GTF2F2: variants seen among roughly 807,000 people sequenced by gnomAD.
GTF2F2 encodes general transcription factor IIF subunit 2, also known as ATP-dependent helicase GTF2F2.
Under a neutral mutation model 42.2 loss-of-function variants are expected in GTF2F2, and 23 were observed. That is an observed-to-expected ratio of 0.55 (90% CI 0.39 to 0.77). GTF2F2 has a LOEUF of 0.77. GTF2F2 is among the 30% of genes least tolerant of loss of function. The pLI, the probability that GTF2F2 is intolerant of heterozygous loss-of-function variation, is 0.00. For missense variants in GTF2F2, 261 were observed against 287.2 expected, an observed-to-expected ratio of 0.91 and a Z score of 0.66; for synonymous variants, 105 against 100.8, an observed-to-expected ratio of 1.04 and a Z score of -0.25.
At chr13:45,215,597 A>G (rs1414866003) in intron 5 of GTF2F2, among the ~76,000 whole-genome samples, 1 of 151,926 alleles carries the variant, frequency 6.6e-6, no homozygotes, top group Non-Finnish European at 1.5e-5. Flanking sequence ...CGTCCCTACT[A>G]AAAATACAGT....
At chr13:45,123,101 G>A (rs947749128) in intron 1 of GTF2F2, 1 of 152,118 alleles carries the variant, frequency 6.6e-6, no homozygotes, top group African/African-American at 2.4e-5. Context: ...ATGGATGTGA[G>A]TGTGATCTGT....
chr13:45,248,852 T>C (rs1299032984), intron 5 of GTF2F2, among the ~76,000 whole-genome samples: 1 of 152,202 alleles, frequency 6.6e-6, no homozygotes, highest in Non-Finnish European at 1.5e-5. Flanking sequence ...TCAGCCATTA[T>C]TTTTCTATTT....
Position 45,273,655 on chromosome 13 carries a change from A to AT in GTF2F2, c.630+6296dup, listed in dbSNP as rs773254844. Among the ~76,000 whole-genome samples the AT allele has an allele frequency of 2.1e-3, 255 of 123,864 alleles. 2 individuals carry two copies. Among genetic ancestry groups the AT allele is most frequent in the Middle Eastern group, 8.1e-3 (2 of 246 alleles). The allele number at this position is 123,864 out of a possible 152,430, so 81.3% of individuals were successfully genotyped here. A position where few individuals can be genotyped will look rare whatever the true frequency, so the allele number is the denominator to read the frequency against. On this transcript the variant is annotated intron_variant, in intron 7 of 7. Transcript: ENST00000340473. ...CCACTTGATTTTAAAGAGTGGTAAA[A>AT]TTTTTTTTTTTTTTTTTGAGACGGA...
At chr13:45,232,074 TCA>T (rs1874712069) in intron 5 of GTF2F2, among the ~76,000 whole-genome samples, 1 of 152,246 alleles carries the variant, frequency 6.6e-6, no homozygotes, top group Non-Finnish European at 1.5e-5. Context: ...TTGGCACTTA[TCA>T]CATAGTCATA....
intron 4 of GTF2F2, 25 bp downstream of exon 4, chr13:45,151,856 T>C (rs1566115515): frequency 8.4e-6 from 10 of 1,187,870 alleles, no homozygotes; most frequent in Non-Finnish European, 1.2e-5. Flanking sequence ...AATTATTTAA[T>C]GTGATTCCTG....
chr13:45,132,212 G>A (rs139358204), intron 1 of GTF2F2, among the ~76,000 whole-genome samples: 9 of 152,318 alleles, frequency 5.9e-5, no homozygotes, highest in Non-Finnish European at 1.0e-4. Context: ...CACAGTTTCT[G>A]TGGGCTGGGA....
rs55795620 is a variant in GTF2F2 at position 45,255,166 on chromosome 13, CA to C, written c.486+2220del. ...GGGGGACAAGAGTGAGACTTTGTCT[CA>C]AAAAAAAAAAAAAAAAAAAAAAAGA... On this transcript the variant is annotated intron_variant, in intron 6 of 7. Coordinates refer to ENST00000340473, the MANE Select transcript of GTF2F2 (RefSeq NM_004128.3). 9.4e-3 allele frequency among the ~76,000 whole-genome samples: 713 copies of C among 76,092 alleles called. 1 individual carries two copies. The highest frequency in any genetic ancestry group is 0.027 in the Middle Eastern group (4 of 146). The allele number at this position is 76,092 out of a possible 152,430, so 49.9% of individuals were successfully genotyped here.
Position 45,172,391 on chromosome 13 carries a change from G to GT in GTF2F2, c.304+20563dup, listed in dbSNP as rs138304310. 6.4e-3 allele frequency among the ~76,000 whole-genome samples: 979 copies of GT among 152,122 alleles called. 12 individuals carry two copies. Among genetic ancestry groups the GT allele is most frequent in the African/African-American group, 0.023 (935 of 41,500 alleles). On this transcript the variant is annotated intron_variant, in intron 4 of 7. Transcript: ENST00000340473. Reference sequence around the variant, plus strand: ...CCTTTGCCTATTGTTAAACTAGGTTGTTTATCTTTTTATTATTGAGTTGTA... The same window carrying GT: ...CCTTTGCCTATTGTTAAACTAGGTTGTTTTATCTTTTTATTATTGAGTTGTA...
At chr13:45,129,859 C>A (rs1029878652) in intron 1 of GTF2F2, among the ~76,000 whole-genome samples, 1 of 152,186 alleles carries the variant, frequency 6.6e-6, no homozygotes, top group East Asian at 1.9e-4. Flanking sequence ...ACTGGTGATG[C>A]TATTTTAAAT....
chr13:45,271,322 C>T (rs1876783739), intron 7 of GTF2F2, among the ~76,000 whole-genome samples: 1 of 151,938 alleles, frequency 6.6e-6, no homozygotes, highest in Admixed American at 6.6e-5. Context: ...AACTGGACCT[C>T]TTAATTTCCT....
chr13:45,194,631 C>T (rs938207095), intron 4 of GTF2F2: 1 of 1,406,778 alleles, frequency 7.1e-7, no homozygotes, highest in Non-Finnish European at 9.8e-7. Flanking sequence ...AGAGACACTA[C>T]CACACAAGCA....
intron 5 of GTF2F2, among the ~76,000 whole-genome samples, chr13:45,211,761 A>G (rs1873653877): frequency 6.6e-6 from 1 of 150,764 alleles, no homozygotes; most frequent in Non-Finnish European, 1.5e-5. Context: ...CCAATTTTGT[A>G]TTTTTAGGAG....
intron 4 of GTF2F2, among the ~76,000 whole-genome samples, chr13:45,195,798 A>G (rs561289747): frequency 2.6e-5 from 4 of 152,228 alleles, no homozygotes; most frequent in East Asian, 1.9e-4. Flanking sequence ...GGGAAACTAC[A>G]TTGTTTTTTG....
intron 4 of GTF2F2, among the ~76,000 whole-genome samples, chr13:45,168,735 C>T (rs1348422969): frequency 6.6e-6 from 1 of 152,088 alleles, no homozygotes; most frequent in Non-Finnish European, 1.5e-5. Flanking sequence ...ACCTCAGCCT[C>T]CTGAGTAGCT....
intron 4 of GTF2F2, among the ~76,000 whole-genome samples, chr13:45,153,622 G>T (rs1194158653): frequency 3.9e-5 from 6 of 151,996 alleles, no homozygotes; most frequent in Non-Finnish European, 8.8e-5. Flanking sequence ...CATAGTATAG[G>T]CCTATCTAAA....
chr13:45,194,511 G>T, intron 4 of GTF2F2: 2 of 1,614,092 alleles, frequency 1.2e-6, no homozygotes, highest in Non-Finnish European at 8.5e-7. Context: ...CTTCCAGGCT[G>T]TTGTGTTTCC....
intron 2 of GTF2F2, among the ~76,000 whole-genome samples, chr13:45,143,035 T>A (rs1257382020): frequency 6.6e-6 from 1 of 152,154 alleles, no homozygotes; most frequent in African/African-American, 2.4e-5. Context: ...GTGCTGCACT[T>A]AAAGAGAGAC....
At chr13:45,275,626 A>G (rs976119724) in intron 7 of GTF2F2, among the ~76,000 whole-genome samples, 4 of 152,092 alleles carry the variant, frequency 2.6e-5, no homozygotes, top group Admixed American at 6.6e-5. Flanking sequence ...TACAAAGGAC[A>G]TGAACTCATC....
intron 4 of GTF2F2, among the ~76,000 whole-genome samples, chr13:45,163,834 C>G (rs1871146959): frequency 6.6e-6 from 1 of 152,092 alleles, no homozygotes; most frequent in Admixed American, 6.6e-5. Context: ...ATTTGGTTGC[C>G]TTTGTATTTT....
Sources: gnomAD v4.1 joint callset for allele counts (sites outside exome capture counted in the v4.1 genomes callset) on GRCh38, gnomAD v4.1.1 for gene constraint, MANE v1.5 for transcripts, NCBI Gene and HGNC (gene_info 2026-07-23, HGNC 2026-07-21) for gene names.